The following FGF12 variants were observed in gnomAD, a reference collection of about 807,000 sequenced individuals.
FGF12 encodes the protein fibroblast growth factor 12.
FGF12 carries 14 observed loss-of-function variants against 23.6 expected under a neutral mutation model. The ratio of observed to expected loss-of-function variants is 0.59; its 90% CI spans 0.39 to 0.93. The LOEUF (loss-of-function observed/expected upper bound fraction) is 0.93, where lower values mean the gene tolerates loss of function less well. FGF12 is among the 40% of genes least tolerant of loss of function. The pLI is 0.00. For synonymous variants in FGF12, 62 were observed against 77.3 expected (o/e 0.80, Z 1.04); for missense variants, 175 against 217.8 (o/e 0.80, Z 1.24).
intron 2 of FGF12, among the ~76,000 whole-genome samples, chr3:192,563,203 A>G (rs972905957): frequency 6.6e-6 from 1 of 152,232 alleles, no homozygotes; most frequent in East Asian, 1.9e-4. Context: ...TCTATCCAAG[A>G]TTAATGGAAT....
At chr3:192,683,704 T>C (rs1399011342) in intron 2 of FGF12, among the ~76,000 whole-genome samples, 1 of 152,196 alleles carries the variant, frequency 6.6e-6, no homozygotes, top group Non-Finnish European at 1.5e-5. Context: ...ATCATCTCTT[T>C]AAATGCTACT....
At chr3:192,181,997 A>G (rs1315213121) in intron 4 of FGF12, among the ~76,000 whole-genome samples, 1 of 152,200 alleles carries the variant, frequency 6.6e-6, no homozygotes, top group Non-Finnish European at 1.5e-5. Context: ...TGAATAAACA[A>G]TAAACAGCAG....
At chr3:192,669,601 T>G (rs989190532) in intron 2 of FGF12, among the ~76,000 whole-genome samples, 1 of 49,164 alleles carries the variant, frequency 2.0e-5, no homozygotes, top group Admixed American at 3.0e-4. Context: ...AGACTCTGTC[T>G]TAAAAAAAAA....
At chr3:192,353,742 G>A (rs910674071) in intron 3 of FGF12, among the ~76,000 whole-genome samples, 1 of 152,150 alleles carries the variant, frequency 6.6e-6, no homozygotes, top group Non-Finnish European at 1.5e-5. Flanking sequence ...TGAAGAATCT[G>A]GAGGAGTTAT....
chr3:192,508,816 A>G (rs765686081), intron 2 of FGF12, among the ~76,000 whole-genome samples: 14 of 152,200 alleles, frequency 9.2e-5, no homozygotes, highest in Non-Finnish European at 2.1e-4. Context: ...GTGAACTCCT[A>G]AATGCTTTTC....
rs76015535 is a variant in FGF12 at position 192,463,205 on chromosome 3, G to T, written c.14-102667C>A. Among the ~76,000 whole-genome samples, 199 of 152,182 alleles carry T rather than the reference G, an allele frequency of 1.3e-3. 4 individuals carry two copies. The East Asian group carries it at 0.035, about 27-fold the overall frequency. On this transcript the variant is annotated intron_variant, in intron 2 of 5. Coordinates refer to ENST00000445105, the MANE Select transcript of FGF12 (RefSeq NM_004113.6). ...GGGCTGAGGCAGGTGGATCACTTGA[G>T]GCCAGAAGTTCGAGACCAGCCTGGA...
intron 4 of FGF12, among the ~76,000 whole-genome samples, chr3:192,189,944 G>C (rs982427844): frequency 1.3e-5 from 2 of 152,112 alleles, no homozygotes; most frequent in African/African-American, 4.8e-5. Context: ...ACACTCAGGA[G>C]CAAGGGGGGA....
At chr3:192,165,269 A>G (rs1406592161) in intron 5 of FGF12, among the ~76,000 whole-genome samples, 1 of 151,874 alleles carries the variant, frequency 6.6e-6, no homozygotes, top group African/African-American at 2.4e-5. Context: ...ATCTATTTAA[A>G]TGTAAGTTAT....
intron 2 of FGF12, among the ~76,000 whole-genome samples, chr3:192,436,816 T>C (rs192423747): frequency 5.9e-5 from 9 of 152,294 alleles, no homozygotes; most frequent in African/African-American, 2.2e-4. Flanking sequence ...CCCCCTTTTT[T>C]GGGTAGCTGA....
intron 2 of FGF12, among the ~76,000 whole-genome samples, chr3:192,520,339 G>T (rs373935036): frequency 6.6e-6 from 1 of 151,966 alleles, no homozygotes; most frequent in Non-Finnish European, 1.5e-5. Context: ...ACAGTGAAAG[G>T]CCTGACTTCC....
intron 4 of FGF12, among the ~76,000 whole-genome samples, chr3:192,187,611 G>C (rs1049865800): frequency 6.6e-6 from 1 of 152,200 alleles, no homozygotes. Flanking sequence ...GCCATACTGT[G>C]AGGTATAAGA....
rs114900245 is a variant in FGF12 at position 192,670,614 on chromosome 3, A to G, written c.13+56567T>C. Among the ~76,000 whole-genome samples the G allele has an allele frequency of 9.3e-3, 1,420 of 152,290 alleles. 26 individuals carry two copies. The highest frequency in any genetic ancestry group is 0.032 in the African/African-American group (1,339 of 41,550). On this transcript the variant is annotated intron_variant, in intron 2 of 5. Coordinates refer to ENST00000445105, the MANE Select transcript of FGF12 (RefSeq NM_004113.6). ...GATCTACGGGCAGATCAGCCTTTCT[A>G]CATATAATATGAGCACAATAAATAG... is the stretch of plus-strand genomic sequence containing the variant.
intron 2 of FGF12, among the ~76,000 whole-genome samples, chr3:192,627,879 T>TG (rs528823629): frequency 6.6e-6 from 1 of 151,904 alleles, no homozygotes; most frequent in Non-Finnish European, 1.5e-5. Flanking sequence ...TGTGTGTGTG[T>TG]TTAGTTATAT....
At chr3:192,636,494 T>C (rs1011722292) in intron 2 of FGF12, among the ~76,000 whole-genome samples, 1 of 152,224 alleles carries the variant, frequency 6.6e-6, no homozygotes, top group Admixed American at 6.5e-5. Context: ...AGTCAATTCT[T>C]AACAAATAGT....
chr3:192,539,351 A>G (rs1448663405), intron 2 of FGF12, among the ~76,000 whole-genome samples: 2 of 152,240 alleles, frequency 1.3e-5, no homozygotes, highest in East Asian at 1.9e-4. Flanking sequence ...TTGTCATGAA[A>G]TGATGTTGAA....
chr3:192,447,598 C>A (rs1029225605), intron 2 of FGF12, among the ~76,000 whole-genome samples: 9 of 152,168 alleles, frequency 5.9e-5, no homozygotes, highest in African/African-American at 1.4e-4. Flanking sequence ...GGACTCTAAT[C>A]TGTTTCCTCT....
intron 2 of FGF12, among the ~76,000 whole-genome samples, chr3:192,644,718 G>T (rs1218678901): frequency 6.6e-6 from 1 of 152,138 alleles, no homozygotes; most frequent in Non-Finnish European, 1.5e-5. Context: ...TAAGAATCAG[G>T]ATTTAAACAC....
chr3:192,484,343 A>G (rs1305937490), intron 2 of FGF12, among the ~76,000 whole-genome samples: 17 of 150,774 alleles, frequency 1.1e-4, no homozygotes, highest in Admixed American at 1.1e-3. Flanking sequence ...AAAAAAGAAC[A>G]TCAATTTGTA....
chr3:192,440,887 T>C lies in FGF12; in HGVS notation c.14-80349A>G, dbSNP rs1406566624. Among the ~76,000 whole-genome samples the C allele has an allele frequency of 5.3e-5, 8 of 152,342 alleles. No individual in the cohort carries two copies. The East Asian group carries it at 1.2e-3, about 22-fold the overall frequency. On this transcript the variant is annotated intron_variant, in intron 2 of 5. Coordinates refer to ENST00000445105, the MANE Select transcript of FGF12 (RefSeq NM_004113.6). ...GATGACACTTAACTTGCAGTTTTAC[T>C]TACATTTTAAAGGATATAGAATTTC...
Sources: gnomAD v4.1 joint callset for allele counts (sites outside exome capture counted in the v4.1 genomes callset) on GRCh38, gnomAD v4.1.1 for gene constraint, MANE v1.5 for transcripts, NCBI Gene and HGNC (gene_info 2026-07-23, HGNC 2026-07-21) for gene names.